The following CEP128 variants were observed in gnomAD, a reference collection of about 807,000 sequenced individuals.
CEP128 encodes the protein centrosomal protein 128.
CEP128 carries 132 observed loss-of-function variants against 156.7 expected under a neutral mutation model. That is an observed-to-expected ratio of 0.84 (90% CI 0.73 to 0.97). The LOEUF (loss-of-function observed/expected upper bound fraction) is 0.97, where lower values mean the gene tolerates loss of function less well. Ranked by LOEUF, CEP128 falls within the 50% of genes least tolerant of loss-of-function variation. The probability of loss-of-function intolerance (pLI) is 0.00; values close to 1 mark genes in which losing one functional copy is unlikely to be tolerated. For synonymous variants in CEP128, 469 were observed against 448.9 expected (o/e 1.04, Z -0.57); for missense variants, 1,252 against 1,281.9 (o/e 0.98, Z 0.36).
intron 19 of CEP128, among the ~76,000 whole-genome samples, chr14:80,669,933 A>C (rs1226923047): frequency 6.6e-6 from 1 of 152,210 alleles, no homozygotes; most frequent in Non-Finnish European, 1.5e-5. Flanking sequence ...CAGGCTATAC[A>C]GGCATCTGCT....
At chr14:80,957,948 G>C (rs181323813) in intron 2 of CEP128, 1 of 152,112 alleles carries the variant, frequency 6.6e-6, no homozygotes, top group Non-Finnish European at 1.5e-5. Flanking sequence ...TAATGGAGAG[G>C]GAGGTAGTAT....
chr14:80,701,902 T>A (rs963715048), intron 19 of CEP128, among the ~76,000 whole-genome samples: 2 of 152,182 alleles, frequency 1.3e-5, no homozygotes, highest in Non-Finnish European at 2.9e-5. Flanking sequence ...CATGGGTGCT[T>A]CTCTCTGGAT....
At chr14:80,502,759 C>T (rs868455718) in intron 24 of CEP128, among the ~76,000 whole-genome samples, 39 of 152,104 alleles carry the variant, frequency 2.6e-4, no homozygotes, top group African/African-American at 9.2e-4. Flanking sequence ...GCCGTAAGTT[C>T]TGTTTTCCTC....
chr14:80,802,556 G>A (rs568685130), intron 13 of CEP128, among the ~76,000 whole-genome samples: 36 of 151,254 alleles, frequency 2.4e-4, no homozygotes, highest in African/African-American at 8.3e-4. Flanking sequence ...GGGGGGTGAG[G>A]GGAGGGAACT....
intron 19 of CEP128, among the ~76,000 whole-genome samples, chr14:80,678,990 C>G (rs138931889): frequency 6.6e-6 from 1 of 152,286 alleles, no homozygotes; most frequent in East Asian, 1.9e-4. Flanking sequence ...CATCTCTGAA[C>G]ATAAATTGTG....
intron 19 of CEP128, among the ~76,000 whole-genome samples, chr14:80,710,647 A>T (rs1163505273): frequency 6.6e-6 from 1 of 152,114 alleles, no homozygotes; most frequent in Non-Finnish European, 1.5e-5. Flanking sequence ...AAACATGACA[A>T]TCAAATTAAC....
At chr14:80,704,025 T>C (rs528347842) in intron 19 of CEP128, among the ~76,000 whole-genome samples, 3 of 152,242 alleles carry the variant, frequency 2.0e-5, no homozygotes, top group Admixed American at 6.5e-5. Flanking sequence ...AAAATGGTTA[T>C]TGATAAAACT....
intron 2 of CEP128, among the ~76,000 whole-genome samples, chr14:80,932,193 C>T (rs1167650820): frequency 1.3e-5 from 2 of 152,214 alleles, no homozygotes; most frequent in Non-Finnish European, 2.9e-5. Context: ...CGCAGCCATG[C>T]GGAACTATGG....
intron 9 of CEP128, among the ~76,000 whole-genome samples, chr14:80,854,961 T>C (rs1471205084): frequency 6.6e-6 from 1 of 151,196 alleles, no homozygotes; most frequent in Non-Finnish European, 1.5e-5. Flanking sequence ...AACTGGACAG[T>C]GAAAGAAAAA....
chr14:80,933,218 C>T (rs183378518), intron 2 of CEP128, among the ~76,000 whole-genome samples: 2 of 152,250 alleles, frequency 1.3e-5, no homozygotes, highest in Non-Finnish European at 2.9e-5. Flanking sequence ...AGCGTCACTC[C>T]GCCTTTAATT....
Position 80,957,466 on chromosome 14 carries a change from C to A in CEP128, c.-172+712G>T, listed in dbSNP as rs78666082. 5.6e-3 allele frequency among the ~76,000 whole-genome samples: 814 copies of A among 144,314 alleles called. 5 individuals carry two copies. The highest frequency in any genetic ancestry group is 0.018 in the African/African-American group (718 of 39,382). The allele number at this position is 144,314 out of a possible 152,430, so 94.7% of individuals were successfully genotyped here. On this transcript the variant is annotated intron_variant, in intron 2 of 7. Coordinates refer to the CEP128 transcript ENST00000555529. ...GAACTACTTAGACACTCAGAAAAAA[C>A]AAAAAAAAAAAAACTTAAGTGAATA...
At chr14:80,792,181 C>T (rs923462204) in intron 14 of CEP128, among the ~76,000 whole-genome samples, 16 of 152,072 alleles carry the variant, frequency 1.1e-4, no homozygotes, top group African/African-American at 2.2e-4. Flanking sequence ...CAGTGAAATG[C>T]GTTTTGTTGC....
intron 19 of CEP128, among the ~76,000 whole-genome samples, chr14:80,710,781 C>T (rs932700448): frequency 5.3e-5 from 8 of 151,698 alleles, no homozygotes; most frequent in East Asian, 1.9e-4. Context: ...AAAAATCAAA[C>T]GTGATTTTGA....
At chr14:80,866,738 G>A (rs1167141694) in intron 8 of CEP128, among the ~76,000 whole-genome samples, 2 of 152,122 alleles carry the variant, frequency 1.3e-5, no homozygotes, top group Non-Finnish European at 2.9e-5. Context: ...GGGAAACATG[G>A]TATCACTAAG....
chr14:80,781,687 G>A (rs1475782607), intron 15 of CEP128, among the ~76,000 whole-genome samples: 1 of 152,044 alleles, frequency 6.6e-6, no homozygotes, highest in Non-Finnish European at 1.5e-5. Context: ...GAAGTAGGGA[G>A]GTTACTTAGA....
intron 12 of CEP128, among the ~76,000 whole-genome samples, chr14:80,835,775 C>T (rs924819705): frequency 1.2e-4 from 18 of 151,808 alleles, no homozygotes; most frequent in Non-Finnish European, 2.2e-4. Context: ...CAACTCCAGA[C>T]GACAAAAAAG....
At chr14:80,924,479 G>T (rs183593152) in intron 2 of CEP128, among the ~76,000 whole-genome samples, 1 of 152,186 alleles carries the variant, frequency 6.6e-6, no homozygotes, top group Non-Finnish European at 1.5e-5. Context: ...GTCTTGATGG[G>T]AGAGAAGGAC....
intron 17 of CEP128, 43 bp from the exon 18 acceptor site, chr14:80,756,994 G>T: frequency 8.0e-7 from 1 of 1,245,592 alleles, no homozygotes; most frequent in Non-Finnish European, 1.2e-6. Flanking sequence ...ATTTTTCTCT[G>T]ACATAAACAT....
chr14:80,642,390 ATGAG>A (rs1894454513), intron 19 of CEP128, among the ~76,000 whole-genome samples: 1 of 152,214 alleles, frequency 6.6e-6, no homozygotes, highest in Non-Finnish European at 1.5e-5. Flanking sequence ...TGACTTAAGA[ATGAG>A]AGAGACAAGG....
Sources: gnomAD v4.1 joint callset for allele counts (sites outside exome capture counted in the v4.1 genomes callset) on GRCh38, gnomAD v4.1.1 for gene constraint, MANE v1.5 for transcripts, NCBI Gene and HGNC (gene_info 2026-07-23, HGNC 2026-07-21) for gene names.